The following HELZ variants were observed in gnomAD, a reference collection of about 807,000 sequenced individuals.
The protein encoded by HELZ is ATP-dependent RNA helicase with zinc finger domain.
Under a neutral mutation model 218.2 loss-of-function variants are expected in HELZ, and 23 were observed. The observed-to-expected ratio is 0.11, with a 90% CI of 0.08 to 0.15. The LOEUF is 0.15. Among genes scored for constraint, HELZ ranks in the 10% least tolerant of loss-of-function variants. The pLI, the probability that HELZ is intolerant of heterozygous loss-of-function variation, is 1.00. For missense variants in HELZ, 1,813 were observed against 2,353.7 expected (o/e 0.77, Z 4.75); for synonymous variants, 814 against 829.4 (o/e 0.98, Z 0.32).
At chr17:67,229,219 C>T (rs2040973540) in intron 3 of HELZ, among the ~76,000 whole-genome samples, 1 of 152,102 alleles carries the variant, frequency 6.6e-6, no homozygotes, top group South Asian at 2.1e-4. Context: ...AACAGATATC[C>T]GGGCCACCAC....
intron 5 of HELZ, among the ~76,000 whole-genome samples, chr17:67,207,401 G>A (rs1171717956): frequency 6.6e-6 from 1 of 151,312 alleles, no homozygotes; most frequent in Non-Finnish European, 1.5e-5. Context: ...TGCATTTTTA[G>A]TAGAGACAGG....
rs761514772 is a variant in HELZ, at chr17:67,138,019, T to C, written c.2865A>G (p.Pro955=). The change falls in exon 22 of 33, where the codon CCA becomes CCG. Residue 955 remains proline, a synonymous_variant. Coordinates refer to ENST00000358691, the MANE Select transcript of HELZ (RefSeq NM_014877.4). ...LDDGSIGVVT[P]YADQVFRIRA... is the part of the protein sequence containing the mutation. ...GTATTCTAAACACTTGATCAGCATA[T>C]GGAGTCACCACACCAATACTGCCAT... is the stretch of plus-strand genomic sequence containing the variant. The C allele has an allele frequency of 1.2e-6, 2 of 1,613,876 alleles. No individual in the cohort carries two copies. The highest frequency in any genetic ancestry group is 2.2e-5 in the East Asian group (1 of 44,868).
chr17:67,166,841 T>TA (rs1398923201), intron 14 of HELZ, among the ~76,000 whole-genome samples: 1 of 152,170 alleles, frequency 6.6e-6, no homozygotes, highest in East Asian at 1.9e-4. Flanking sequence ...GTACCAATGA[T>TA]ATATATATAC....
rs1330741644 is a variant in HELZ, at chr17:67,167,608, G to T, written c.1619C>A (p.Pro540His). 1 of 1,613,920 alleles carries T rather than the reference G, an allele frequency of 6.2e-7. No homozygotes were observed. The highest frequency in any genetic ancestry group is 2.2e-5 in the East Asian group (1 of 44,880). ...KVNAVYLLPVPKQKLVQTQGT... is the reference protein window; with the variant it reads ...KVNAVYLLPVHKQKLVQTQGT... ...CTGGGTCTGTACTAACTTCTGTTTA[G>T]GGACTGGTAATAAATAAACAGCATT... Residue 540 changes from proline (P) to histidine (H), a missense_variant, in exon 14 of 33, where the codon CCT (proline) becomes CAT (histidine). Pro to His is a moderately conservative substitution (Grantham distance 77). Transcript: ENST00000358691.
chr17:67,196,761 C>G (rs1288036438), intron 7 of HELZ, among the ~76,000 whole-genome samples: 1 of 152,130 alleles, frequency 6.6e-6, no homozygotes, highest in Admixed American at 6.5e-5. Context: ...AAAGTTGATC[C>G]TTCTTCAGTG....
chr17:67,149,791 G>T, intron 19 of HELZ, 76 bp downstream of exon 19: 1 of 801,544 alleles, frequency 1.2e-6, no homozygotes, highest in Non-Finnish European at 2.0e-6. Context: ...GTCATAGGAT[G>T]TTTTAGAAAT....
Position 67,107,535 on chromosome 17 carries a change from T to C in HELZ, c.4875A>G (p.Thr1625=). ...PPAVPSPPSS[T]DHSSHFSNFN... ...AGTTAGAAAAGTGGCTACTGTGGTC[T>C]GTACTGGATGGGGGAGATGGGACTG... The change falls in exon 31 of 33, where the codon ACA becomes ACG. Residue 1625 remains threonine, a synonymous_variant. Transcript: ENST00000358691. 1.2e-6 allele frequency: 2 copies of C among 1,614,198 alleles called. No homozygotes were observed. The highest frequency in any genetic ancestry group is 1.7e-6 in the Non-Finnish European group (2 of 1,180,042).
rs1034919146 is a variant in HELZ at position 67,075,876 on chromosome 17, T to C, written c.*2376A>G. On this transcript the variant is annotated 3_prime_UTR_variant, in exon 33 of 33. Transcript: ENST00000358691. ...AGCTATTATTTTTAGTTTTTAGAAA[T>C]AACTGCTTAGAACAAGGATGTCATG... 1 of 152,604 alleles carries C rather than the reference T, an allele frequency of 6.6e-6. No homozygotes were observed. Among genetic ancestry groups the C allele is most frequent in the African/African-American group, 2.4e-5 (1 of 41,430 alleles). 9.5% of individuals were successfully genotyped at this position (152,604 alleles called of 1,614,324 possible).
chr17:67,195,297 T>A (rs1263285058), intron 8 of HELZ, 122 bp downstream of exon 8: 3 of 574,096 alleles, frequency 5.2e-6, no homozygotes, highest in Non-Finnish European at 9.4e-6. Context: ...AATTAAAATC[T>A]TATATTCTCT....
At chr17:67,244,935 G>A in intron 1 of HELZ, 5 of 986,048 alleles carry the variant, frequency 5.1e-6, no homozygotes, top group Non-Finnish European at 6.0e-6. Flanking sequence ...ACTAAGTAGG[G>A]GAAGAAGCTG....
intron 12 of HELZ, among the ~76,000 whole-genome samples, chr17:67,180,809 C>T (rs920499572): frequency 1.4e-4 from 20 of 140,938 alleles, no homozygotes; most frequent in African/African-American, 5.1e-4. Context: ...ACCCGGAAGG[C>T]GGAGCTTGCA....
intron 13 of HELZ, among the ~76,000 whole-genome samples, chr17:67,171,444 C>T (rs889180141): frequency 3.3e-5 from 5 of 152,142 alleles, no homozygotes; most frequent in African/African-American, 4.8e-5. Flanking sequence ...CATCCTTGAC[C>T]CTGCCTCTCT....
In HELZ at chr17:67,201,157, C is replaced by A; in HGVS notation, c.401G>T (p.Arg134Ile). 6.2e-7 allele frequency: 1 copy of A among 1,609,678 alleles called. No individual in the cohort carries two copies. The highest frequency in any genetic ancestry group is 8.5e-7 in the Non-Finnish European group (1 of 1,176,018). Residue 134 changes from arginine (R) to isoleucine (I), a missense_variant, in exon 7 of 33, where the codon AGA becomes ATA. By Grantham distance (97) the Arg-to-Ile change is moderately conservative (BLOSUM62 -3). Transcript: ENST00000358691. Reference sequence around the variant, plus strand: ...TGTTTCTGAGAGAAGTGTTTTTAGTCTTGTCAAATCCTTTGTTACCATCCC... The same window carrying A: ...TGTTTCTGAGAGAAGTGTTTTTAGTATTGTCAAATCCTTTGTTACCATCCC... ...LNGMVTKDLT[R>I]LKTLLSETET...
intron 31 of HELZ, among the ~76,000 whole-genome samples, chr17:67,102,251 G>A (rs1319745223): frequency 1.3e-5 from 2 of 152,264 alleles, no homozygotes; most frequent in East Asian, 3.9e-4. Flanking sequence ...ATTGTTTCAA[G>A]TTTTCCCAAC....
chr17:67,185,342 A>C (rs1317912034), intron 12 of HELZ, among the ~76,000 whole-genome samples: 1 of 152,234 alleles, frequency 6.6e-6, no homozygotes, highest in Non-Finnish European at 1.5e-5. Flanking sequence ...CTGAGATAAA[A>C]GCAAGAAACA....
chr17:67,171,950 G>A (rs2039324680), intron 13 of HELZ, among the ~76,000 whole-genome samples: 1 of 151,746 alleles, frequency 6.6e-6, no homozygotes, highest in South Asian at 2.1e-4. Context: ...TCCTGCTTCA[G>A]CCTCCCGAGT....
chr17:67,160,458 T>G (rs1228670278), intron 16 of HELZ, 96 bp from the exon 17 acceptor site: 2 of 766,124 alleles, frequency 2.6e-6, no homozygotes. Flanking sequence ...CATCCTAATA[T>G]TATACAATTC....
intron 31 of HELZ, among the ~76,000 whole-genome samples, chr17:67,098,004 A>T (rs949604893): frequency 6.6e-6 from 1 of 152,226 alleles, no homozygotes; most frequent in African/African-American, 2.4e-5. Flanking sequence ...ACAACTGGAT[A>T]CAATTCAAGA....
chr17:67,087,891 CAG>C (rs1332775456), intron 31 of HELZ, among the ~76,000 whole-genome samples: 1 of 152,166 alleles, frequency 6.6e-6, no homozygotes, highest in African/African-American at 2.4e-5. Context: ...GATCAATATT[CAG>C]AGTCAATTCT....
Sources: allele counts gnomAD v4.1 joint callset (sites outside exome capture counted in the v4.1 genomes callset), GRCh38; gene constraint gnomAD v4.1.1; transcripts MANE v1.5; gene names NCBI Gene and HGNC (gene_info 2026-07-23, HGNC 2026-07-21).